Variants in PCDHGB3 observed in about 807,000 individuals in gnomAD.
PCDHGB3 encodes the protein protocadherin gamma-B3.
Under a neutral mutation model 59.2 loss-of-function variants are expected in PCDHGB3, and 40 were observed. The ratio of observed to expected loss-of-function variants is 0.68; its 90% CI spans 0.52 to 0.88. PCDHGB3 has a LOEUF of 0.88. PCDHGB3 is among the 40% of genes least tolerant of loss of function. PCDHGB3 has a pLI of 0.00. For synonymous variants in PCDHGB3, 581 were observed against 503.6 expected, an observed-to-expected ratio of 1.15 and a Z score of -2.06; for missense variants, 1,309 against 1,187.9, an observed-to-expected ratio of 1.10 and a Z score of -1.50.
chr5:141,432,528 A>T lies in PCDHGB3; in HGVS notation c.2415+59719A>T. The T allele has an allele frequency of 1.2e-6, 2 of 1,613,804 alleles. No homozygotes were observed. The highest frequency in any genetic ancestry group is 1.7e-6 in the Non-Finnish European group (2 of 1,180,000). ...GCAGAGCCCGGCTACCTGGTGACCA[A>T]GGTGGTGGCGGTGGACAGAGACTCC... is the stretch of plus-strand genomic sequence containing the variant. On this transcript the variant is annotated intron_variant, in intron 1 of 3. Transcript: ENST00000576222. This position sits in a 1 kb window ranked among gnomAD's most constrained non-coding sequence, Gnocchi z 6.0.
chr5:141,384,478 G>A (rs1350381914), intron 1 of PCDHGB3: 4 of 1,614,104 alleles, frequency 2.5e-6, no homozygotes, highest in Non-Finnish European at 3.4e-6. Context: ...GCAGTTGAGA[G>A]AACTACAACT....
intron 1 of PCDHGB3, among the ~76,000 whole-genome samples, chr5:141,482,412 T>C (rs2099559037): frequency 6.6e-6 from 1 of 151,636 alleles, no homozygotes; most frequent in Non-Finnish European, 1.5e-5. Context: ...TAACTATTTG[T>C]TGAACTAAAA....
chr5:141,400,591 C>T lies in PCDHGB3; in HGVS notation c.2415+27782C>T, dbSNP rs746471054. ...ATTTTCTGTATTTACATGAAACTATCGTACATTTTCAAGTCCAATGAGTTG... is the reference window on the plus strand; with the variant it reads ...ATTTTCTGTATTTACATGAAACTATTGTACATTTTCAAGTCCAATGAGTTG... On this transcript the variant is annotated intron_variant, in intron 1 of 3. Transcript: ENST00000576222. 2.5e-6 allele frequency: 4 copies of T among 1,602,858 alleles called. No homozygotes were observed. In the African/African-American group the frequency reaches 5.4e-5, roughly 21 times the overall value.
chr5:141,372,062 C>T lies in PCDHGB3; in HGVS notation c.1668C>T (p.Asn556=). ...TGCGCGTGTTGGTGGACGACCGCAA[C>T]GACAATGCACCGCTGGTGCTGTACC... ...VSLRVLVDDR[N]DNAPLVLYPA... The change falls in exon 1 of 4, where the codon AAC becomes AAT. Residue 556 remains asparagine (N), a synonymous_variant. Transcript: ENST00000576222. 1.2e-6 allele frequency: 2 copies of T among 1,613,470 alleles called. No homozygotes were observed. The highest frequency in any genetic ancestry group is 1.7e-6 in the Non-Finnish European group (2 of 1,179,828).
At chr5:141,488,021 C>A (rs570700985) in intron 1 of PCDHGB3, among the ~76,000 whole-genome samples, 1 of 152,244 alleles carries the variant, frequency 6.6e-6, no homozygotes, top group East Asian at 1.9e-4. Flanking sequence ...TACCTTAACT[C>A]TAGGTTACCA....
chr5:141,433,671 A>G (rs1376085577), intron 1 of PCDHGB3, among the ~76,000 whole-genome samples: 12 of 152,058 alleles, frequency 7.9e-5, no homozygotes, highest in Admixed American at 7.2e-4. Flanking sequence ...CCCCGTCTAT[A>G]CTAAAAAAAT....
At chr5:141,421,844 A>C (rs1261967247) in intron 1 of PCDHGB3, 2 of 1,613,740 alleles carry the variant, frequency 1.2e-6, no homozygotes, top group East Asian at 4.5e-5. Context: ...CGAGAGAAAG[A>C]GGCTGCTCAC....
At position 141,490,219 on chromosome 5, in the gene PCDHGB3, C is replaced by T. The variant is rs771985398; in HGVS notation, c.2416-4588C>T. 2.5e-5 allele frequency: 41 copies of T among 1,614,094 alleles called. No individual in the cohort carries two copies. The highest frequency in any genetic ancestry group is 3.3e-5 in the Non-Finnish European group (39 of 1,180,038). On this transcript the variant is annotated intron_variant, in intron 1 of 3. Coordinates refer to ENST00000576222, the MANE Select transcript of PCDHGB3 (RefSeq NM_018924.5). This position sits in a 1 kb window ranked among gnomAD's most constrained non-coding sequence, Gnocchi z 5.4. ...TCATGCAAGAGCCCGTGACCAGGGA[C>T]AGCCTGCCATGGAGGGCCACTGTGT... is the stretch of plus-strand genomic sequence containing the variant.
chr5:141,431,474 G>A lies in PCDHGB3; in HGVS notation c.2415+58665G>A, dbSNP rs747313827. 2 of 1,613,842 alleles carry A rather than the reference G, an allele frequency of 1.2e-6. No homozygotes were observed. Among genetic ancestry groups the A allele is most frequent in the East Asian group, 4.5e-5 (2 of 44,886 alleles). ...GATGGTTCTGGATGCGAACGACAACGCACCAGCGTTTGCTCAGCCCGAGTA... is the reference window on the plus strand; with the variant it reads ...GATGGTTCTGGATGCGAACGACAACACACCAGCGTTTGCTCAGCCCGAGTA... On this transcript the variant is annotated intron_variant, in intron 1 of 3. Coordinates refer to ENST00000576222, the MANE Select transcript of PCDHGB3 (RefSeq NM_018924.5). This position sits in a 1 kb window ranked among gnomAD's most constrained non-coding sequence, Gnocchi z 4.8.
In PCDHGB3 at chr5:141,511,125, A is replaced by T. The variant is rs755685600; in HGVS notation, c.2742A>T (p.Ala914=). Residue 914 remains alanine, a synonymous_variant, in exon 4 of 4, where the codon GCA becomes GCT. Transcript: ENST00000576222. ...GCAAGCGGGATGGCAAGGCCCCAGCAGGTGGCAATGGCAACAAGAAGAAGT... is the reference window on the plus strand; with the variant it reads ...GCAAGCGGGATGGCAAGGCCCCAGCTGGTGGCAATGGCAACAAGAAGAAGT... ...AAGKRDGKAP[A]GGNGNKKKSG... 2 of 1,614,216 alleles carry T rather than the reference A, an allele frequency of 1.2e-6. No individual in the cohort carries two copies. The highest frequency in any genetic ancestry group is 2.2e-5 in the South Asian group (2 of 91,092).
At chr5:141,399,670 GCCTTTGACTACGAGCAGCTGCGCA>G (rs758329241) in intron 1 of PCDHGB3, 2 of 1,613,610 alleles carry the variant, frequency 1.2e-6, no homozygotes, top group East Asian at 4.5e-5. Context: ...CGCGCAGCGC[GCCTTTGACTACGAGCAGCTGCGCA>G]CCTTCGAACT....
In PCDHGB3 at chr5:141,490,959, C is replaced by T. The variant is rs1385897960; in HGVS notation, c.2416-3848C>T. ...TGCACCCACGGCCAGACTGGGAACA[C>T]TCAGCCCCCCAGCGTCTCCCTCGCT... On this transcript the variant is annotated intron_variant, in intron 1 of 3. Transcript: ENST00000576222. The surrounding 1 kb of genome is among the most constrained non-coding windows in gnomAD (Gnocchi z 5.4). 6.2e-7 allele frequency: 1 copy of T among 1,613,844 alleles called. No individual in the cohort carries two copies. Among genetic ancestry groups the T allele is most frequent in the South Asian group, 1.1e-5 (1 of 91,038 alleles).
rs528172004 is a variant in PCDHGB3 at position 141,370,968 on chromosome 5, C to G, written c.574C>G (p.Pro192Ala). The G allele has an allele frequency of 1.1e-3, 1,752 of 1,613,966 alleles. 34 individuals are homozygous for G. In the South Asian group the frequency reaches 0.018, roughly 17 times the overall value. Residue 192 changes from proline to alanine, a missense_variant, in exon 1 of 4, where the codon CCA becomes GCA. Physicochemically the swap from Pro to Ala is conservative, Grantham distance 27. Coordinates refer to ENST00000576222, the MANE Select transcript of PCDHGB3 (RefSeq NM_018924.5). ...QKENLDGSRY[P>A]ELVLKAPLDR... Reference sequence around the variant, plus strand: ...GGAGAACCTGGATGGCAGTAGGTACCCAGAGCTAGTACTGAAAGCACCCCT... The same window carrying G: ...GGAGAACCTGGATGGCAGTAGGTACGCAGAGCTAGTACTGAAAGCACCCCT...
intron 1 of PCDHGB3, chr5:141,410,998 T>C: frequency 5.8e-6 from 1 of 173,396 alleles, no homozygotes; most frequent in South Asian, 1.4e-4. Context: ...GGATTACTGG[T>C]GCCCCTCACC....
chr5:141,426,090 T>G (rs545457395), intron 1 of PCDHGB3, among the ~76,000 whole-genome samples: 1 of 152,246 alleles, frequency 6.6e-6, no homozygotes, highest in African/African-American at 2.4e-5. Context: ...CAGGACGATA[T>G]TCTGTTCAGT....
At chr5:141,433,398 T>TCTAC (rs1487149690) in intron 1 of PCDHGB3, among the ~76,000 whole-genome samples, 2 of 151,396 alleles carry the variant, frequency 1.3e-5, no homozygotes, top group Non-Finnish European at 2.9e-5. Context: ...TATCTATCTA[T>TCTAC]CTATCTATTA....
Position 141,394,592 on chromosome 5 carries a change from G to A in PCDHGB3, c.2415+21783G>A, listed in dbSNP as rs754585576. The A allele has an allele frequency of 3.3e-4, 534 of 1,613,642 alleles. 1 individual carries two copies. Among genetic ancestry groups the A allele is most frequent in the Non-Finnish European group, 4.3e-4 (502 of 1,180,046 alleles). On this transcript the variant is annotated intron_variant, in intron 1 of 3. Coordinates refer to ENST00000576222, the MANE Select transcript of PCDHGB3 (RefSeq NM_018924.5). ...GCTACCTGGTGACCAAGGTGGTGGC[G>A]GTGGACAGAGACTCGGGCCAGAACG...
At chr5:141,389,315 G>A (rs1257183989) in intron 1 of PCDHGB3, 2 of 1,613,866 alleles carry the variant, frequency 1.2e-6, no homozygotes, top group African/African-American at 1.3e-5. Flanking sequence ...CTTCTGATCC[G>A]GACTTGGGGC....
chr5:141,500,182 A>ATTTT lies in PCDHGB3; in HGVS notation c.2475-5209_2475-5206dup, dbSNP rs1199992745. Among the ~76,000 whole-genome samples the ATTTT allele has an allele frequency of 1.7e-3, 223 of 131,716 alleles. 2 individuals are homozygous for ATTTT. Among genetic ancestry groups the ATTTT allele is most frequent in the African/African-American group, 6.2e-3 (201 of 32,350 alleles). The allele number at this position is 131,716 out of a possible 152,430, so 86.4% of individuals were successfully genotyped here. On this transcript the variant is annotated intron_variant, in intron 2 of 3. Transcript: ENST00000576222. ...AAGAACATGCATGAGCTTCATTTTT[A>ATTTT]TTTTTATTTATTTATTTATTTATTT...
Sources: allele counts gnomAD v4.1 joint callset (sites outside exome capture counted in the v4.1 genomes callset), GRCh38; gene constraint gnomAD v4.1.1; non-coding constraint Gnocchi (gnomAD v3.1); transcripts MANE v1.5; gene names NCBI Gene and HGNC (gene_info 2026-07-23, HGNC 2026-07-21).